MIB1: variants seen among roughly 807,000 people sequenced by gnomAD.
MIB1 encodes MIB E3 ubiquitin protein ligase 1.
MIB1 carries 278 observed loss-of-function variants against 124.5 expected under a neutral mutation model. The observed-to-expected ratio is 2.23, with a 90% CI of 2.02 to 2.47. MIB1 has a LOEUF of 2.47. MIB1 is among the 30% of genes most tolerant of loss of function. MIB1 has a pLI of 0.00. For missense variants in MIB1, 957 were observed against 1,254.4 expected (o/e 0.76, Z 3.58); for synonymous variants, 446 against 429.4 (o/e 1.04, Z -0.48).
chr18:21,724,406 A>G (rs942985686), intron 1 of MIB1, among the ~76,000 whole-genome samples: 1 of 151,948 alleles, frequency 6.6e-6, no homozygotes, highest in African/African-American at 2.4e-5. Flanking sequence ...CATTCAATTA[A>G]AAAATATATT....
intron 1 of MIB1, among the ~76,000 whole-genome samples, chr18:21,734,519 C>T (rs2040787079): frequency 6.7e-6 from 1 of 149,592 alleles, no homozygotes; most frequent in South Asian, 2.1e-4. Context: ...TTTCTTGTCT[C>T]TCTTTCTCTT....
intron 1 of MIB1, among the ~76,000 whole-genome samples, chr18:21,705,725 G>T (rs551147881): frequency 6.6e-6 from 1 of 152,292 alleles, no homozygotes; most frequent in South Asian, 2.1e-4. Flanking sequence ...GACCAGAAGT[G>T]AGCAATTTAT....
intron 6 of MIB1, 132 bp from the exon 7 acceptor site, chr18:21,791,242 T>C (rs1318010340): frequency 1.6e-6 from 1 of 643,498 alleles, no homozygotes; most frequent in Non-Finnish European, 2.5e-6. Flanking sequence ...TTTGTGTATA[T>C]ATAAATAAAC....
Position 21,815,636 on chromosome 18 carries a change from AGT to A in MIB1, c.1501_1502del (p.Val501SerfsTer8). On this transcript the variant is annotated frameshift_variant, in exon 11 of 21. Transcript: ENST00000261537. LOFTEE classifies it high-confidence loss of function. ...ATTAGGATAAAGATGGTGATAGAGC[AGT>A]TCACCATGCAGCTTTTGGAGATGAA... is the stretch of plus-strand genomic sequence containing the variant. ...EAEDKDGDRA[V>X]HHAAFGDEGA... 6.2e-7 allele frequency: 1 copy of A among 1,613,634 alleles called. No homozygotes were observed. Among genetic ancestry groups the A allele is most frequent in the Non-Finnish European group, 8.5e-7 (1 of 1,179,508 alleles).
chr18:21,838,616 CATG>C, intron 13 of MIB1, 119 bp downstream of exon 13: 9 of 703,778 alleles, frequency 1.3e-5, no homozygotes, highest in Non-Finnish European at 1.6e-5. Flanking sequence ...AGTAAAACCT[CATG>C]ATGATGAAAA....
intron 1 of MIB1, among the ~76,000 whole-genome samples, chr18:21,721,159 G>GTT (rs34277676): frequency 0.013 from 381 of 29,760 alleles, 170 homozygotes; most frequent in Non-Finnish European, 0.02. Context: ...TTTTAAAGAA[G>GTT]TTTTTTTTTT....
At chr18:21,859,308 C>T (rs2042254009) in intron 20 of MIB1, among the ~76,000 whole-genome samples, 1 of 151,128 alleles carries the variant, frequency 6.6e-6, no homozygotes, top group South Asian at 2.1e-4. Flanking sequence ...GTGGGAGGAT[C>T]ACTTGAACCT....
chr18:21,822,720 A>G (rs548616598), intron 12 of MIB1, among the ~76,000 whole-genome samples: 11 of 151,376 alleles, frequency 7.3e-5, no homozygotes, highest in Non-Finnish European at 1.6e-4. Flanking sequence ...CCCCCCCTAT[A>G]CTGTCCAGTG....
At chr18:21,828,875 T>G (rs1471707168) in intron 12 of MIB1, 5 of 305,464 alleles carry the variant, frequency 1.6e-5, no homozygotes, top group African/African-American at 1.1e-4. Flanking sequence ...ATAACCTTTT[T>G]TTTTTGGTGT....
At position 21,858,553 on chromosome 18, in the gene MIB1, G is replaced by T. The variant is rs377616423; in HGVS notation, c.2787G>T (p.Gly929=). The change falls in exon 20 of 21, where the codon GGG becomes GGT. Residue 929 remains glycine, a synonymous_variant. Transcript: ENST00000261537. The part of the protein sequence containing the change: ...SEDATDDISS[G]NIPVLQKDKD... Reference sequence around the variant, plus strand: ...TTTAAATCTATATTATAGCAAGTGGGAATATTCCAGTATTACAAAAGGACA... The same window carrying T: ...TTTAAATCTATATTATAGCAAGTGGTAATATTCCAGTATTACAAAAGGACA... 6.0e-6 allele frequency: 9 copies of T among 1,496,644 alleles called. No individual in the cohort carries two copies. The highest frequency in any genetic ancestry group is 8.4e-6 in the Non-Finnish European group (9 of 1,077,634). The allele number at this position is 1,496,644 out of a possible 1,614,324, so 92.7% of individuals were successfully genotyped here. A position where few individuals can be genotyped will look rare whatever the true frequency, so the allele number is the denominator to read the frequency against.
chr18:21,740,450 G>A (rs534293779), upstream of MIB1, among the ~76,000 whole-genome samples: 79 of 152,248 alleles, frequency 5.2e-4, no homozygotes, highest in African/African-American at 1.8e-3. Context: ...AATACAGATC[G>A]CCCTGAATTT....
chr18:21,729,799 C>T (rs1452337324), intron 1 of MIB1, among the ~76,000 whole-genome samples: 1 of 152,016 alleles, frequency 6.6e-6, no homozygotes, highest in Non-Finnish European at 1.5e-5. Flanking sequence ...TCAAGCCTCT[C>T]TTATAAAGGC....
At chr18:21,807,510 C>G (rs1568210229) in intron 10 of MIB1, among the ~76,000 whole-genome samples, 1 of 152,168 alleles carries the variant, frequency 6.6e-6, no homozygotes, top group African/African-American at 2.4e-5. Flanking sequence ...TTAACATTGC[C>G]TATTAAACAA....
At position 21,838,440 on chromosome 18, in the gene MIB1, C is replaced by T; in HGVS notation, c.1905C>T (p.Ala635=). The T allele has an allele frequency of 6.2e-7, 1 of 1,611,698 alleles. No homozygotes were observed. Among genetic ancestry groups the T allele is most frequent in the Non-Finnish European group, 8.5e-7 (1 of 1,178,572 alleles). ...VDEKKDDGYT[A]LHLAALNNHV... The stretch of plus-strand genomic sequence containing the variant: ...AGAAGAAAGATGATGGTTATACTGC[C>T]TTACATCTGGCTGCCCTTAATAATC... Residue 635 remains alanine (A), a synonymous_variant, in exon 13 of 21, where the codon GCC becomes GCT. Coordinates refer to ENST00000261537, the MANE Select transcript of MIB1 (RefSeq NM_020774.4).
chr18:21,864,172 G>A (rs374286061), intron 20 of MIB1, among the ~76,000 whole-genome samples: 15 of 152,056 alleles, frequency 9.9e-5, no homozygotes, highest in African/African-American at 2.4e-4. Flanking sequence ...TCACAGCGGC[G>A]CGATCTTGGC....
In MIB1 at chr18:21,788,024, CCTT is replaced by C. The variant is rs1350200238; in HGVS notation, c.909-3349_909-3347del. 2.0e-5 allele frequency among the ~76,000 whole-genome samples: 3 copies of C among 152,116 alleles called. No homozygotes were observed. In the East Asian group the frequency reaches 5.8e-4, roughly 29 times the overall value. On this transcript the variant is annotated intron_variant, in intron 6 of 20. Transcript: ENST00000261537. ...TATATGATTTGCGAACCTCCTCTCT[CCTT>C]TTACTCTCCATAGTATTATATATGC...
rs1366238582 is a variant in MIB1 at position 21,866,469 on chromosome 18, GAGAC to G, written c.*1812_*1815del. 3.9e-5 allele frequency: 6 copies of G among 152,200 alleles called. No homozygotes were observed. Among genetic ancestry groups the G allele is most frequent in the Admixed American group, 6.5e-5 (1 of 15,282 alleles). 9.4% of individuals were successfully genotyped at this position (152,200 alleles called of 1,614,324 possible). On this transcript the variant is annotated 3_prime_UTR_variant, in exon 21 of 21. Transcript: ENST00000261537. ...ATCTGACTGATGATGTTCACATAAA[GAGAC>G]AGACAGACTATCATGTTGCAGACAT... is the stretch of plus-strand genomic sequence containing the variant.
At chr18:21,730,350 T>C (rs2040763039) in intron 1 of MIB1, among the ~76,000 whole-genome samples, 1 of 152,146 alleles carries the variant, frequency 6.6e-6, no homozygotes. Context: ...GTGGATCACC[T>C]GAGGTCAGGA....
At chr18:21,851,860 C>T (rs1415499518) in intron 17 of MIB1, among the ~76,000 whole-genome samples, 1 of 152,042 alleles carries the variant, frequency 6.6e-6, no homozygotes, top group African/African-American at 2.4e-5. Flanking sequence ...GGTATGGCTA[C>T]AGTTTTTTTT....
Sources: allele counts gnomAD v4.1 joint callset (sites outside exome capture counted in the v4.1 genomes callset), GRCh38; gene constraint gnomAD v4.1.1; transcripts MANE v1.5; gene names NCBI Gene and HGNC (gene_info 2026-07-23, HGNC 2026-07-21).